The following ZNF304 variants were observed in gnomAD, a reference collection of about 807,000 sequenced individuals.
The protein encoded by ZNF304 is KRAB-containing zinc finger protein.
In ZNF304, 7 loss-of-function variants were observed where a neutral mutation model predicts 7.8. The observed-to-expected ratio is 0.90, with a 90% CI of 0.51 to 1.69. The LOEUF (loss-of-function observed/expected upper bound fraction) is 1.69, where lower values mean the gene tolerates loss of function less well. Among genes scored for constraint, ZNF304 ranks in the 40% most tolerant of loss-of-function variants. ZNF304 has a pLI of 0.00. For synonymous variants in ZNF304, 280 were observed against 272.4 expected (o/e 1.03, Z -0.27); for missense variants, 669 against 804.8 (o/e 0.83, Z 2.04).
At position 57,357,446 on chromosome 19, in the gene ZNF304, C is replaced by G; in HGVS notation, c.1577C>G (p.Thr526Ser). 1 of 1,614,158 alleles carries G rather than the reference C, an allele frequency of 6.2e-7. No homozygotes were observed. Among genetic ancestry groups the G allele is most frequent in the Non-Finnish European group, 8.5e-7 (1 of 1,180,012 alleles). The change falls in exon 3 of 3, where the codon ACT becomes AGT. Residue 526 changes from threonine (T) to serine (S), a missense_variant. Coordinates refer to ENST00000282286, the MANE Select transcript of ZNF304 (RefSeq NM_020657.4). ...CTTATTGTACACCAGAGAATTCACA[C>G]TGGAGCAAAGCCTTATGAGTGCAAT... ...SNLIVHQRIH[T>S]GAKPYECNEC...
At position 57,356,218 on chromosome 19, in the gene ZNF304, T is replaced by C. The variant is rs1041408693; in HGVS notation, c.349T>C (p.Cys117Arg). ...HQGSHLTQKL[C>R]TRGLCRRRFS... ...GGGATCACACCTTACACAGAAACTGTGCACACGTGGGCTGTGTAGGAGAAG... is the reference window on the plus strand; with the variant it reads ...GGGATCACACCTTACACAGAAACTGCGCACACGTGGGCTGTGTAGGAGAAG... Residue 117 changes from cysteine to arginine, a missense_variant, in exon 3 of 3, where the codon TGC (cysteine) becomes CGC (arginine). Cys to Arg is a radical substitution (Grantham distance 180). Transcript: ENST00000282286. 6.2e-6 allele frequency: 10 copies of C among 1,614,130 alleles called. No homozygotes were observed. The Admixed American group carries it at 1.3e-4, about 22-fold the overall frequency.
At position 57,351,822 on chromosome 19, in the gene ZNF304, C is replaced by T; in HGVS notation, c.33+125C>T. On this transcript the variant is annotated intron_variant, in intron 1 of 2. Coordinates refer to ENST00000282286, the MANE Select transcript of ZNF304 (RefSeq NM_020657.4). The surrounding 1 kb of genome is among the most constrained non-coding windows in gnomAD (Gnocchi z 4.1). Reference sequence around the variant, plus strand: ...TGTGGAGGGGTTCCGCTCCCCTCATCAGTGGCATAAGGTGTGGAACGGACT... The same window carrying T: ...TGTGGAGGGGTTCCGCTCCCCTCATTAGTGGCATAAGGTGTGGAACGGACT... 2 of 1,077,242 alleles carry T rather than the reference C, an allele frequency of 1.9e-6. No individual in the cohort carries two copies. The highest frequency in any genetic ancestry group is 2.7e-6 in the Non-Finnish European group (2 of 747,042). 66.7% of individuals were successfully genotyped at this position (1,077,242 alleles called of 1,614,324 possible). A position where few individuals can be genotyped will look rare whatever the true frequency, so the allele number is the denominator to read the frequency against.
At position 57,351,767 on chromosome 19, in the gene ZNF304, G is replaced by A; in HGVS notation, c.33+70G>A. 9.2e-6 allele frequency: 14 copies of A among 1,515,546 alleles called. No homozygotes were observed. Among genetic ancestry groups the A allele is most frequent in the Non-Finnish European group, 1.1e-5 (12 of 1,114,558 alleles). 93.9% of individuals were successfully genotyped at this position (1,515,546 alleles called of 1,614,324 possible). On this transcript the variant is annotated intron_variant, in intron 1 of 2. Coordinates refer to ENST00000282286, the MANE Select transcript of ZNF304 (RefSeq NM_020657.4). This position sits in a 1 kb window ranked among gnomAD's most constrained non-coding sequence, Gnocchi z 4.1. ...GTCCTGGGATGTTCGCTCTCATCGC[G>A]CACTTCAGGGTGCTCACTCCGTCGC...
intron 2 of ZNF304, among the ~76,000 whole-genome samples, chr19:57,355,676 C>G (rs2088325761): frequency 6.6e-6 from 1 of 152,124 alleles, no homozygotes; most frequent in Non-Finnish European, 1.5e-5. Flanking sequence ...TGAGAATGAG[C>G]TACTTATTTG....
At position 57,356,075 on chromosome 19, in the gene ZNF304, T is replaced by C. The variant is rs374340616; in HGVS notation, c.206T>C (p.Val69Ala). 6.2e-7 allele frequency: 1 copy of C among 1,613,992 alleles called. No individual in the cohort carries two copies. The highest frequency in any genetic ancestry group is 8.5e-7 in the Non-Finnish European group (1 of 1,179,910). ...AEHEAPSEQS[V>A]SVEGVSQVRT... ...CATGAGGCACCTTCTGAGCAGAGCG[T>C]TTCTGTAGAAGGAGTGTCACAGGTC... Residue 69 changes from valine to alanine, a missense_variant, in exon 3 of 3, where the codon GTT becomes GCT. Transcript: ENST00000282286.
At position 57,351,759 on chromosome 19, in the gene ZNF304, C is replaced by G. The variant is rs921090484; in HGVS notation, c.33+62C>G. On this transcript the variant is annotated intron_variant, in intron 1 of 2. Coordinates refer to ENST00000282286, the MANE Select transcript of ZNF304 (RefSeq NM_020657.4). This position sits in a 1 kb window ranked among gnomAD's most constrained non-coding sequence, Gnocchi z 4.1. ...GTTGGTGTGTCCTGGGATGTTCGCT[C>G]TCATCGCGCACTTCAGGGTGCTCAC... 1.4e-5 allele frequency: 21 copies of G among 1,542,240 alleles called. No individual in the cohort carries two copies. The Middle Eastern group carries it at 1.0e-3, about 76-fold the overall frequency.
Position 57,351,424 on chromosome 19 carries a change from C to T in ZNF304, c.-241C>T. 1 of 582,250 alleles carries T rather than the reference C, an allele frequency of 1.7e-6. No homozygotes were observed. Among genetic ancestry groups the T allele is most frequent in the Non-Finnish European group, 3.1e-6 (1 of 326,970 alleles). 36.1% of individuals were successfully genotyped at this position (582,250 alleles called of 1,614,324 possible). ...CGCGCTTTTGTTACAATCCATGACCCCTGTCGTGGGACGGGCGGCCTCTCG... is the reference window on the plus strand; with the variant it reads ...CGCGCTTTTGTTACAATCCATGACCTCTGTCGTGGGACGGGCGGCCTCTCG... On this transcript the variant is annotated 5_prime_UTR_variant, in exon 1 of 3. Coordinates refer to ENST00000282286, the MANE Select transcript of ZNF304 (RefSeq NM_020657.4). The surrounding 1 kb of genome is among the most constrained non-coding windows in gnomAD (Gnocchi z 4.1).
Position 57,356,332 on chromosome 19 carries a change from G to A in ZNF304, c.463G>A (p.Val155Met). The change falls in exon 3 of 3, where the codon GTG (valine) becomes ATG (methionine). Residue 155 changes from valine (V) to methionine (M), a missense_variant. By Grantham distance (21) the Val-to-Met change is conservative. Transcript: ENST00000282286. ...AGGGGATGATGGAGGGGCCTCATTT[G>A]TGAAGAGCTGTACAGTCCACATGTT... ...FRGDDGGASF[V>M]KSCTVHMLGR... The A allele has an allele frequency of 6.2e-7, 1 of 1,614,222 alleles. No homozygotes were observed. Among genetic ancestry groups the A allele is most frequent in the African/African-American group, 1.3e-5 (1 of 75,064 alleles).
chr19:57,355,595 C>T (rs1429941189), intron 2 of ZNF304, among the ~76,000 whole-genome samples: 1 of 152,190 alleles, frequency 6.6e-6, no homozygotes, highest in Non-Finnish European at 1.5e-5. Flanking sequence ...TTCTGGCCTC[C>T]GTGTTTCAAT....
chr19:57,355,616 A>G (rs1429027425), intron 2 of ZNF304, among the ~76,000 whole-genome samples: 3 of 152,156 alleles, frequency 2.0e-5, no homozygotes, highest in Non-Finnish European at 4.4e-5. Flanking sequence ...TGCTCTCTTC[A>G]ACACTAGCTT....
At chr19:57,355,296 T>C in intron 2 of ZNF304, 1 of 765,254 alleles carries the variant, frequency 1.3e-6, no homozygotes, top group Non-Finnish European at 2.4e-6. Flanking sequence ...TCCCATGCAG[T>C]TGCGCAGTTG....
Position 57,356,979 on chromosome 19 carries a change from A to G in ZNF304, c.1110A>G (p.Lys370=), listed in dbSNP as rs751539231. The G allele has an allele frequency of 1.8e-4, 281 of 1,605,554 alleles. No homozygotes were observed. Among genetic ancestry groups the G allele is most frequent in the Non-Finnish European group, 2.3e-4 (272 of 1,173,252 alleles). ...ERPYKCNKCG[K]AFSRKDTLVQ... is the part of the protein sequence containing the mutation. ...CTTATAAGTGCAACAAATGTGGGAA[A>G]GCCTTTAGCCGTAAAGACACACTTG... is the stretch of plus-strand genomic sequence containing the variant. The change falls in exon 3 of 3, where the codon AAA becomes AAG. Residue 370 remains lysine, a synonymous_variant. Coordinates refer to ENST00000282286, the MANE Select transcript of ZNF304 (RefSeq NM_020657.4).
chr19:57,355,998 C>T, intron 2 of ZNF304, 32 bp from the exon 3 acceptor site: 1 of 1,569,986 alleles, frequency 6.4e-7, no homozygotes, highest in Middle Eastern at 1.8e-4. Context: ...CCAAAGTCAG[C>T]ATGCACTTCA....
In ZNF304 at chr19:57,357,579, T is replaced by C; in HGVS notation, c.1710T>C (p.Ser570=). ...GTGAATGTGGGAAGGCTTACATTAG[T>C]AGCTCCCACCTTGTTCAACACAAGA... is the stretch of plus-strand genomic sequence containing the variant. The part of the protein sequence containing the change: ...VCSECGKAYI[S]SSHLVQHKKV... The change falls in exon 3 of 3, where the codon AGT becomes AGC. Residue 570 remains serine, a synonymous_variant. Coordinates refer to ENST00000282286, the MANE Select transcript of ZNF304 (RefSeq NM_020657.4). 6.2e-7 allele frequency: 1 copy of C among 1,613,244 alleles called. No individual in the cohort carries two copies. The highest frequency in any genetic ancestry group is 1.3e-5 in the African/African-American group (1 of 74,692).
At chr19:57,352,381 TGGA>T (rs764098863) in intron 1 of ZNF304, among the ~76,000 whole-genome samples, 1 of 152,152 alleles carries the variant, frequency 6.6e-6, no homozygotes, top group Non-Finnish European at 1.5e-5. Flanking sequence ...TGGAGTTATG[TGGA>T]GAAGTCCCCA....
chr19:57,353,723 A>G lies in ZNF304; in HGVS notation c.34-2A>G, dbSNP rs1166782290. ...TGGACTCAGCTGTACTTATCATGGC[A>G]GAGTTGTGTGACCTTCGAGGATGTG... On this transcript the variant is annotated splice_acceptor_variant, in intron 1 of 2. Transcript: ENST00000282286. LOFTEE classifies it high-confidence loss of function. The G allele has an allele frequency of 6.2e-7, 1 of 1,608,276 alleles. No homozygotes were observed. The highest frequency in any genetic ancestry group is 8.5e-7 in the Non-Finnish European group (1 of 1,177,250).
At chr19:57,355,375 A>C in intron 2 of ZNF304, 1 of 765,352 alleles carries the variant, frequency 1.3e-6, no homozygotes, top group South Asian at 1.3e-5. Flanking sequence ...GGAGACCTAC[A>C]GAGGGCATGG....
At position 57,357,146 on chromosome 19, in the gene ZNF304, A is replaced by C. The variant is rs766951417; in HGVS notation, c.1277A>C (p.Lys426Thr). The C allele has an allele frequency of 7.4e-6, 12 of 1,614,192 alleles. No homozygotes were observed. Among genetic ancestry groups the C allele is most frequent in the Non-Finnish European group, 1.0e-5 (12 of 1,180,036 alleles). The change falls in exon 3 of 3, where the codon AAA becomes ACA. Residue 426 changes from lysine to threonine, a missense_variant. Coordinates refer to ENST00000282286, the MANE Select transcript of ZNF304 (RefSeq NM_020657.4). ...ARPYECIECG[K>T]FFSHNSSLIK... ...CCCTATGAATGCATAGAATGTGGAA[A>C]ATTCTTTAGCCATAACTCTAGCCTC...
chr19:57,353,696 T>C (rs2088302110), intron 1 of ZNF304, 29 bp from the exon 2 acceptor site: 1 of 1,584,536 alleles, frequency 6.3e-7, no homozygotes, highest in Non-Finnish European at 8.6e-7. Context: ...AGATGCTGAC[T>C]GTGGACTCAG....
Sources: allele counts gnomAD v4.1 joint callset (sites outside exome capture counted in the v4.1 genomes callset), GRCh38; gene constraint gnomAD v4.1.1; non-coding constraint Gnocchi (gnomAD v3.1); transcripts MANE v1.5; gene names NCBI Gene and HGNC (gene_info 2026-07-23, HGNC 2026-07-21).